The following RAPGEF4 variants were observed in gnomAD, a reference collection of about 807,000 sequenced individuals.
RAPGEF4 encodes Rap guanine nucleotide exchange factor 4, also known as RAP guanine-nucleotide-exchange factor (GEF) 4.
A neutral mutation model predicts 147.9 loss-of-function variants in RAPGEF4; 66 were observed. That is an observed-to-expected ratio of 0.45 (90% CI 0.37 to 0.55). The LOEUF is 0.55. Among genes scored for constraint, RAPGEF4 ranks in the 20% least tolerant of loss-of-function variants. RAPGEF4 has a pLI of 0.00. For missense variants in RAPGEF4, 1,071 were observed against 1,257.3 expected, an observed-to-expected ratio of 0.85 and a Z score of 2.24; for synonymous variants, 419 against 442.7, an observed-to-expected ratio of 0.95 and a Z score of 0.67.
intron 1 of RAPGEF4, 24 bp downstream of exon 1, chr2:172,736,072 G>A (rs1421262887): frequency 6.9e-7 from 1 of 1,451,636 alleles, no homozygotes. Flanking sequence ...GGCCGCAGCC[G>A]GGGGCCGAGC....
intron 22 of RAPGEF4, among the ~76,000 whole-genome samples, chr2:173,019,915 C>G (rs548568408): frequency 6.6e-6 from 1 of 152,290 alleles, no homozygotes; most frequent in Non-Finnish European, 1.5e-5. Flanking sequence ...TCCTTGCCTT[C>G]TCACTCTGTA....
intron 6 of RAPGEF4, among the ~76,000 whole-genome samples, chr2:172,945,095 C>G (rs1245707503): frequency 6.6e-6 from 1 of 152,006 alleles, no homozygotes; most frequent in Non-Finnish European, 1.5e-5. Context: ...TTTCTTTGGC[C>G]TTTTAGAATA....
At chr2:173,026,031 ACAT>A (rs1304852782) in intron 23 of RAPGEF4, among the ~76,000 whole-genome samples, 3 of 152,308 alleles carry the variant, frequency 2.0e-5, no homozygotes, top group Non-Finnish European at 2.9e-5. Flanking sequence ...GAGGGATCAG[ACAT>A]CATGTGTAAC....
At chr2:172,753,026 C>T (rs1280241210) in intron 1 of RAPGEF4, among the ~76,000 whole-genome samples, 1 of 151,994 alleles carries the variant, frequency 6.6e-6, no homozygotes, top group Non-Finnish European at 1.5e-5. Context: ...TTTTAAAGAG[C>T]CCTTGGTGTT....
Position 172,786,152 on chromosome 2 carries a change from C to T in RAPGEF4, c.66-8873C>T, listed in dbSNP as rs1317221187. On this transcript the variant is annotated intron_variant, in intron 1 of 30. Coordinates refer to ENST00000397081, the MANE Select transcript of RAPGEF4 (RefSeq NM_007023.4). Reference sequence around the variant, plus strand: ...TTGACTGAATTAAAATTTAAGAGCACAGCAGATGTCCACATTGCATAATGC... The same window carrying T: ...TTGACTGAATTAAAATTTAAGAGCATAGCAGATGTCCACATTGCATAATGC... Among the ~76,000 whole-genome samples, 3 of 152,234 alleles carry T rather than the reference C, an allele frequency of 2.0e-5. No homozygotes were observed. The South Asian group carries it at 6.2e-4, about 32-fold the overall frequency.
chr2:172,981,305 G>T (rs544477879), intron 10 of RAPGEF4, among the ~76,000 whole-genome samples: 1 of 152,174 alleles, frequency 6.6e-6, no homozygotes, highest in African/African-American at 2.4e-5. Context: ...TGAGACTTTC[G>T]CATTAGCTGC....
At chr2:172,737,243 T>C (rs1693875579) in intron 1 of RAPGEF4, among the ~76,000 whole-genome samples, 1 of 152,202 alleles carries the variant, frequency 6.6e-6, no homozygotes, top group Non-Finnish European at 1.5e-5. Context: ...TGTACTAATA[T>C]TAAAAGAGTT....
At chr2:172,848,231 A>G (rs1350286953) in intron 4 of RAPGEF4, among the ~76,000 whole-genome samples, 2 of 152,242 alleles carry the variant, frequency 1.3e-5, no homozygotes, top group Middle Eastern at 3.4e-3. Context: ...CCAGTGTCCA[A>G]TGACAGTGCA....
At chr2:172,990,052 A>G (rs1435567406) in intron 14 of RAPGEF4, among the ~76,000 whole-genome samples, 1 of 151,836 alleles carries the variant, frequency 6.6e-6, no homozygotes, top group Non-Finnish European at 1.5e-5. Flanking sequence ...AAAGGCTAAA[A>G]TGTATACCCT....
chr2:172,957,917 A>G (rs1263273191), intron 6 of RAPGEF4, among the ~76,000 whole-genome samples: 1 of 152,264 alleles, frequency 6.6e-6, no homozygotes, highest in Non-Finnish European at 1.5e-5. Flanking sequence ...TCAGGGTTCC[A>G]AGGAACCAGA....
intron 17 of RAPGEF4, among the ~76,000 whole-genome samples, chr2:173,008,465 CAA>C (rs1474049213): frequency 6.6e-6 from 1 of 152,034 alleles, no homozygotes; most frequent in East Asian, 1.9e-4. Context: ...AAAGAATATA[CAA>C]AAGCTTTGTC....
chr2:172,833,769 C>T (rs1690630359), intron 4 of RAPGEF4, among the ~76,000 whole-genome samples: 1 of 152,126 alleles, frequency 6.6e-6, no homozygotes, highest in Non-Finnish European at 1.5e-5. Context: ...GAAGCATTTC[C>T]TTTATGAGTT....
chr2:172,741,233 G>C (rs894070771), intron 1 of RAPGEF4, among the ~76,000 whole-genome samples: 2 of 152,246 alleles, frequency 1.3e-5, no homozygotes, highest in African/African-American at 4.8e-5. Context: ...CATAGCACAA[G>C]TCCGATTCCA....
intron 22 of RAPGEF4, among the ~76,000 whole-genome samples, chr2:173,019,013 A>G (rs1695777819): frequency 6.6e-6 from 1 of 152,202 alleles, no homozygotes; most frequent in Admixed American, 6.5e-5. Flanking sequence ...CTAAATCAGA[A>G]AGGTGACTGG....
chr2:172,741,935 A>C (rs1400356271), intron 1 of RAPGEF4, among the ~76,000 whole-genome samples: 1 of 152,218 alleles, frequency 6.6e-6, no homozygotes, highest in Non-Finnish European at 1.5e-5. Context: ...GGCCTCCCAA[A>C]GTGCTGGGAC....
intron 1 of RAPGEF4, among the ~76,000 whole-genome samples, chr2:172,788,523 T>C (rs1685473813): frequency 6.6e-6 from 1 of 152,172 alleles, no homozygotes; most frequent in Non-Finnish European, 1.5e-5. Context: ...ATTATCTGTC[T>C]GTTTTCATGT....
intron 29 of RAPGEF4, among the ~76,000 whole-genome samples, chr2:173,039,751 AT>A (rs910336000): frequency 1.3e-5 from 2 of 152,246 alleles, no homozygotes; most frequent in Non-Finnish European, 2.9e-5. Flanking sequence ...GTATTCATAT[AT>A]CCCACTGAAA....
At chr2:172,934,146 C>CTT (rs1286452370) in intron 6 of RAPGEF4, among the ~76,000 whole-genome samples, 1 of 103,754 alleles carries the variant, frequency 9.6e-6, no homozygotes, top group African/African-American at 3.0e-5. Context: ...TTTATTTAAT[C>CTT]CTTTTTTTTT....
chr2:173,016,935 A>G lies in RAPGEF4; in HGVS notation c.1899-239A>G, dbSNP rs140545480. Among the ~76,000 whole-genome samples, 13 of 152,320 alleles carry G rather than the reference A, an allele frequency of 8.5e-5. No homozygotes were observed. The East Asian group carries it at 2.1e-3, about 25-fold the overall frequency. ...TGCTGCTAGATAGACTTTGAAAGCTAGAAATCCTGGCTTTGAACATCGGTT... is the reference window on the plus strand; with the variant it reads ...TGCTGCTAGATAGACTTTGAAAGCTGGAAATCCTGGCTTTGAACATCGGTT... On this transcript the variant is annotated intron_variant, in intron 19 of 30. Transcript: ENST00000397081.
Sources: gnomAD v4.1 joint callset for allele counts (sites outside exome capture counted in the v4.1 genomes callset) on GRCh38, gnomAD v4.1.1 for gene constraint, MANE v1.5 for transcripts, NCBI Gene and HGNC (gene_info 2026-07-23, HGNC 2026-07-21) for gene names.